Variants in MEGF6 observed in about 807,000 individuals in gnomAD.
MEGF6 encodes the protein multiple EGF like domains 6.
A neutral mutation model predicts 207.1 loss-of-function variants in MEGF6; 184 were observed. The ratio of observed to expected loss-of-function variants is 0.89; its 90% CI spans 0.79 to 1.00. The LOEUF (loss-of-function observed/expected upper bound fraction) is 1.00, where lower values mean the gene tolerates loss of function less well. Among genes scored for constraint, MEGF6 ranks in the 50% least tolerant of loss-of-function variants. The pLI, the probability that MEGF6 is intolerant of heterozygous loss-of-function variation, is 0.00. For synonymous variants in MEGF6, 1,038 were observed against 910.0 expected (o/e 1.14, Z -2.53); for missense variants, 2,282 against 2,202.9 (o/e 1.04, Z -0.72).
At position 3,505,529 on chromosome 1, in the gene MEGF6, C is replaced by A; in HGVS notation, c.1946G>T (p.Gly649Val). ...LTCPPWAFGPGCSEECQCVQP... is the reference protein window; with the variant it reads ...LTCPPWAFGPVCSEECQCVQP... ...CACACACTGGCACTCCTCCGAGCAG[C>A]CCGGCCCAAAGGCCCACGGCGGGCA... Residue 649 changes from glycine (G) to valine (V), a missense_variant, in exon 16 of 37, where the codon GGC (glycine) becomes GTC (valine). Physicochemically the swap from Gly to Val is moderately radical, Grantham distance 109. Transcript: ENST00000356575. 6.3e-7 allele frequency: 1 copy of A among 1,595,802 alleles called. No individual in the cohort carries two copies. The highest frequency in any genetic ancestry group is 8.5e-7 in the Non-Finnish European group (1 of 1,173,270).
chr1:3,501,898 C>A lies in MEGF6; in HGVS notation c.2212G>T (p.Val738Leu), dbSNP rs79376840. 6.2e-7 allele frequency: 1 copy of A among 1,604,650 alleles called. No individual in the cohort carries two copies. Among genetic ancestry groups the A allele is most frequent in the Admixed American group, 1.7e-5 (1 of 58,754 alleles). The change falls in exon 18 of 37, where the codon GTG (valine) becomes TTG (leucine). Residue 738 changes from valine to leucine, a missense_variant. Coordinates refer to ENST00000356575, the MANE Select transcript of MEGF6 (RefSeq NM_001409.4). ...CAGGAGCAGGAGCTCGAGCAGTTCA[C>A]GCCAAACGTCCCCACCGGGCACTCT... ...GQECPVGTFG[V>L]NCSSSCSCGG...
intron 7 of MEGF6, 42 bp downstream of exon 7, chr1:3,514,508 T>C (rs762243905): frequency 1.3e-6 from 2 of 1,557,084 alleles, no homozygotes; most frequent in Admixed American, 1.8e-5. Flanking sequence ...TGGGTGCGCT[T>C]TCTGACCCTG....
chr1:3,515,815 A>T (rs575024983), intron 5 of MEGF6, among the ~76,000 whole-genome samples: 23 of 152,184 alleles, frequency 1.5e-4, no homozygotes, highest in African/African-American at 5.3e-4. Context: ...ACAGAAGGGG[A>T]CCCCACCCAG....
intron 4 of MEGF6, among the ~76,000 whole-genome samples, chr1:3,578,610 C>T (rs577810986): frequency 6.6e-6 from 1 of 152,356 alleles, no homozygotes; most frequent in African/African-American, 2.4e-5. Flanking sequence ...GCCCTCCCAG[C>T]CACCCAGCAT....
chr1:3,501,721 C>T, intron 18 of MEGF6, 75 bp downstream of exon 18: 2 of 1,542,032 alleles, frequency 1.3e-6, no homozygotes, highest in Non-Finnish European at 1.7e-6. Context: ...GCTGGGGCCC[C>T]CACAGTTCAG....
chr1:3,520,565 T>C (rs1641707181), intron 5 of MEGF6, among the ~76,000 whole-genome samples: 1 of 151,518 alleles, frequency 6.6e-6, no homozygotes, highest in South Asian at 2.1e-4. Context: ...CCCTGGGCAA[T>C]GGGGCACACC....
At chr1:3,599,118 T>C (rs1644120061) in intron 2 of MEGF6, among the ~76,000 whole-genome samples, 1 of 152,156 alleles carries the variant, frequency 6.6e-6, no homozygotes, top group African/African-American at 2.4e-5. Context: ...GCTGCCCTTC[T>C]GACCGCAGCC....
chr1:3,495,039 C>A (rs1041854429), intron 30 of MEGF6, among the ~76,000 whole-genome samples: 2 of 152,200 alleles, frequency 1.3e-5, no homozygotes. Context: ...GAAGGCTTCA[C>A]GGAGGCAGCG....
chr1:3,595,510 T>G, intron 2 of MEGF6, 63 bp from the exon 3 acceptor site: 1 of 1,390,418 alleles, frequency 7.2e-7, no homozygotes, highest in South Asian at 1.2e-5. Context: ...CGGCTCTCAC[T>G]GCACCCCTGG....
chr1:3,531,311 G>C (rs28709397), intron 4 of MEGF6: 2 of 1,241,886 alleles, frequency 1.6e-6, no homozygotes, highest in African/African-American at 1.6e-5. Flanking sequence ...GCCGGCGGCC[G>C]GGCGACGGGG....
At chr1:3,614,509 T>C (rs1270303437), upstream of MEGF6, among the ~76,000 whole-genome samples, 1 of 152,246 alleles carries the variant, frequency 6.6e-6, no homozygotes, top group Admixed American at 6.5e-5. Context: ...CCAAGAATGA[T>C]CTTTGTCCAT....
chr1:3,586,114 GTGTCCTGTGTGTGGGTGTGACACA>G (rs1284211196), intron 3 of MEGF6, among the ~76,000 whole-genome samples: 2 of 141,074 alleles, frequency 1.4e-5, no homozygotes, highest in African/African-American at 2.7e-5. Flanking sequence ...TGAGTGACAC[GTGTCCTGTGTGTGGGTGTGACACA>G]TGTCCTGTGT....
intron 4 of MEGF6, among the ~76,000 whole-genome samples, chr1:3,524,978 TG>T (rs1468401902): frequency 1.3e-5 from 2 of 152,128 alleles, no homozygotes; most frequent in Non-Finnish European, 2.9e-5. Flanking sequence ...ATAGGGAGCG[TG>T]GCCCCGCGGA....
upstream of MEGF6, among the ~76,000 whole-genome samples, chr1:3,614,618 T>A (rs1225662045): frequency 6.6e-6 from 1 of 152,256 alleles, no homozygotes; most frequent in East Asian, 1.9e-4. Context: ...TCAGACTATA[T>A]AAGCTTTGAA....
chr1:3,555,171 C>G (rs1342158062), intron 4 of MEGF6, among the ~76,000 whole-genome samples: 1 of 135,178 alleles, frequency 7.4e-6, no homozygotes, highest in Non-Finnish European at 1.6e-5. Flanking sequence ...ACCCACCCAC[C>G]CACCCACCCA....
At chr1:3,580,672 G>C (rs1053357381) in intron 3 of MEGF6, among the ~76,000 whole-genome samples, 2 of 152,036 alleles carry the variant, frequency 1.3e-5, no homozygotes, top group African/African-American at 2.4e-5. Flanking sequence ...GGTGCCCCCC[G>C]GGGGCTCCAA....
Position 3,490,218 on chromosome 1 carries a change from C to T in MEGF6, c.*310G>A, listed in dbSNP as rs1640296345. 1 of 452,572 alleles carries T rather than the reference C, an allele frequency of 2.2e-6. No individual in the cohort carries two copies. Among genetic ancestry groups the T allele is most frequent in the Non-Finnish European group, 3.9e-6 (1 of 254,698 alleles). The allele number at this position is 452,572 out of a possible 1,614,324, so 28.0% of individuals were successfully genotyped here. On this transcript the variant is annotated 3_prime_UTR_variant, in exon 37 of 37. Transcript: ENST00000356575. ...CACCCACACTGGCGCCCACACCTGT[C>T]CTCAGTCCAACTCAGAGCCGCGGGG... is the stretch of plus-strand genomic sequence containing the variant.
At position 3,497,194 on chromosome 1, in the gene MEGF6, C is replaced by A. The variant is rs1212422707; in HGVS notation, c.3481+39G>T. On this transcript the variant is annotated intron_variant, in intron 27 of 36. Transcript: ENST00000356575. ...AGGCAGCCTCTCTGGATTCCCCCTG[C>A]CCAGCCGCTCCTCGGGGTGGGGGCT... 3.3e-6 allele frequency: 5 copies of A among 1,527,272 alleles called. No individual in the cohort carries two copies. The Admixed American group carries it at 6.1e-5, about 19-fold the overall frequency. The allele number at this position is 1,527,272 out of a possible 1,614,324, so 94.6% of individuals were successfully genotyped here.
chr1:3,514,861 T>C (rs553304833), intron 6 of MEGF6, among the ~76,000 whole-genome samples, 189 bp from the exon 7 acceptor site: 2 of 152,288 alleles, frequency 1.3e-5, no homozygotes, highest in East Asian at 1.9e-4. Flanking sequence ...GAGAAGACTC[T>C]GCAGTCTCAG....
Sources: allele counts gnomAD v4.1 joint callset (sites outside exome capture counted in the v4.1 genomes callset), GRCh38; gene constraint gnomAD v4.1.1; transcripts MANE v1.5; gene names NCBI Gene and HGNC (gene_info 2026-07-23, HGNC 2026-07-21).